The following BICD1 variants were observed in gnomAD, a reference collection of about 807,000 sequenced individuals.
BICD1 encodes the protein BICD cargo adaptor 1.
A neutral mutation model predicts 92.5 loss-of-function variants in BICD1; 35 were observed. That is an observed-to-expected ratio of 0.38 (90% confidence interval 0.29 to 0.50). BICD1 has a LOEUF of 0.50. BICD1 is among the 20% of genes least tolerant of loss of function. BICD1 has a pLI of 0.93. For synonymous variants in BICD1, 429 were observed against 465.1 expected, an observed-to-expected ratio of 0.92 and a Z score of 1.00; for missense variants, 950 against 1,189.8, an observed-to-expected ratio of 0.80 and a Z score of 2.97.
intron 1 of BICD1, among the ~76,000 whole-genome samples, chr12:32,201,478 G>A (rs1944905138): frequency 6.6e-6 from 1 of 151,966 alleles, no homozygotes; most frequent in South Asian, 2.1e-4. Flanking sequence ...GAAGGAGGAT[G>A]GTGGAAAGAA....
chr12:32,370,096 T>C (rs759586761), intron 9 of BICD1, among the ~76,000 whole-genome samples: 1 of 152,054 alleles, frequency 6.6e-6, no homozygotes, highest in Non-Finnish European at 1.5e-5. Context: ...AGGTCAGGCG[T>C]GGTGGCGCAG....
At chr12:32,202,991 GA>G (rs1944950246) in intron 1 of BICD1, among the ~76,000 whole-genome samples, 1 of 152,162 alleles carries the variant, frequency 6.6e-6, no homozygotes, top group South Asian at 2.1e-4. Flanking sequence ...CTCCTACTTA[GA>G]TATCTTATGA....
At chr12:32,151,557 C>T (rs7295834) in intron 1 of BICD1, among the ~76,000 whole-genome samples, 5,419 of 152,292 alleles carry the variant, frequency 0.036, 327 homozygotes, top group African/African-American at 0.12. Flanking sequence ...AGGTTATGTT[C>T]TCAGGCATCC....
At chr12:32,273,975 C>T (rs894850455) in intron 2 of BICD1, among the ~76,000 whole-genome samples, 2 of 152,188 alleles carry the variant, frequency 1.3e-5, no homozygotes, top group African/African-American at 2.4e-5. Context: ...CCACCCTCTT[C>T]CCCCAGTGTG....
At chr12:32,131,054 C>G (rs1002754686) in intron 1 of BICD1, among the ~76,000 whole-genome samples, 3 of 152,088 alleles carry the variant, frequency 2.0e-5, no homozygotes, top group South Asian at 4.2e-4. Flanking sequence ...AGGCTGGTCT[C>G]GAACTCCTGA....
chr12:32,367,508 A>G, intron 8 of BICD1, 162 bp from the exon 9 acceptor site: 1 of 556,240 alleles, frequency 1.8e-6, no homozygotes, highest in Non-Finnish European at 3.1e-6. Flanking sequence ...TGTCTTTTCT[A>G]TTGGCATCAT....
chr12:32,196,335 T>C (rs1592456447), intron 1 of BICD1, among the ~76,000 whole-genome samples: 1 of 152,162 alleles, frequency 6.6e-6, no homozygotes, highest in African/African-American at 2.4e-5. Context: ...CTGCACCCCA[T>C]GTTCATAGCA....
intron 1 of BICD1, among the ~76,000 whole-genome samples, chr12:32,140,394 C>CCA (rs1347723618): frequency 6.6e-6 from 1 of 152,050 alleles, no homozygotes; most frequent in Non-Finnish European, 1.5e-5. Flanking sequence ...GATTTTTTTT[C>CCA]CATGGCAGAG....
At chr12:32,134,895 A>T (rs1290565722) in intron 1 of BICD1, among the ~76,000 whole-genome samples, 1 of 152,088 alleles carries the variant, frequency 6.6e-6, no homozygotes, top group Non-Finnish European at 1.5e-5. Context: ...TGATTTAGGG[A>T]GCTGCTTTTT....
chr12:32,340,091 AT>A (rs200746771), intron 8 of BICD1: 59 of 955,512 alleles, frequency 6.2e-5, no homozygotes, highest in Admixed American at 2.5e-4. Flanking sequence ...TTGAAATAGA[AT>A]TTTTTTTTTC....
At chr12:32,296,827 A>G (rs1325233300) in intron 3 of BICD1, among the ~76,000 whole-genome samples, 1 of 152,152 alleles carries the variant, frequency 6.6e-6, no homozygotes, top group African/African-American at 2.4e-5. Context: ...TCCCTTGAGT[A>G]TTCATTAACC....
At chr12:32,269,743 A>G (rs1170932265) in intron 2 of BICD1, among the ~76,000 whole-genome samples, 1 of 152,142 alleles carries the variant, frequency 6.6e-6, no homozygotes, top group Non-Finnish European at 1.5e-5. Flanking sequence ...TGTTGCTTTC[A>G]GTTTTTAAAA....
In BICD1 at chr12:32,364,294, A is replaced by C. The variant is rs1293056019; in HGVS notation, c.2765-3376A>C. Among the ~76,000 whole-genome samples, 3 of 152,198 alleles carry C rather than the reference A, an allele frequency of 2.0e-5. No homozygotes were observed. In the East Asian group the frequency reaches 5.8e-4, roughly 29 times the overall value. On this transcript the variant is annotated intron_variant, in intron 8 of 9. Transcript: ENST00000652176. ...ATCTTTTATTCCCCCCAAAGCAACG[A>C]GATGTGGTCTAGTTCCTTCAAGGGT...
At chr12:32,302,728 A>AT (rs1948090981) in intron 3 of BICD1, among the ~76,000 whole-genome samples, 1 of 152,022 alleles carries the variant, frequency 6.6e-6, no homozygotes, top group Non-Finnish European at 1.5e-5. Flanking sequence ...AGATTTGTTA[A>AT]TTTTTTGTTA....
At chr12:32,346,022 G>T (rs1459288880) in intron 8 of BICD1, among the ~76,000 whole-genome samples, 1 of 152,018 alleles carries the variant, frequency 6.6e-6, no homozygotes, top group East Asian at 1.9e-4. Context: ...AGTGGCATGC[G>T]CCTGTACTCT....
At chr12:32,311,543 T>C (rs749002607) in intron 4 of BICD1, among the ~76,000 whole-genome samples, 29 of 152,090 alleles carry the variant, frequency 1.9e-4, no homozygotes, top group Non-Finnish European at 3.7e-4. Flanking sequence ...TTCAGAAAGG[T>C]GGGACAGCTC....
chr12:32,321,119 G>A (rs763777865), intron 4 of BICD1, among the ~76,000 whole-genome samples: 13 of 151,910 alleles, frequency 8.6e-5, no homozygotes, highest in Non-Finnish European at 1.5e-4. Flanking sequence ...TGAGGTCAGG[G>A]GTTTGAGATG....
At chr12:32,115,387 G>GT (rs4035442) in intron 1 of BICD1, among the ~76,000 whole-genome samples, 119 of 142,430 alleles carry the variant, frequency 8.4e-4, no homozygotes, top group Admixed American at 1.6e-3. Context: ...GGTGTTTTTG[G>GT]TTTTTTTTTT....
chr12:32,378,739 C>A lies in BICD1; in HGVS notation c.*1112C>A, dbSNP rs1049484683. 5.3e-5 allele frequency: 8 copies of A among 151,994 alleles called. No homozygotes were observed. Among genetic ancestry groups the A allele is most frequent in the Non-Finnish European group, 8.8e-5 (6 of 68,016 alleles). 9.4% of individuals were successfully genotyped at this position (151,994 alleles called of 1,614,324 possible). A position where few individuals can be genotyped will look rare whatever the true frequency, so the allele number is the denominator to read the frequency against. ...ATGTTTTGTTGTTGTTAGTTTTTTT[C>A]ATAACGAATCTTCCTTGCCAAAAAA... On this transcript the variant is annotated 3_prime_UTR_variant, in exon 10 of 10. Coordinates refer to ENST00000652176, the MANE Select transcript of BICD1 (RefSeq NM_001714.4).
Sources: allele counts gnomAD v4.1 joint callset (sites outside exome capture counted in the v4.1 genomes callset), GRCh38; gene constraint gnomAD v4.1.1; transcripts MANE v1.5; gene names NCBI Gene and HGNC (gene_info 2026-07-23, HGNC 2026-07-21).